The following PDGFRL variants were observed in gnomAD, a reference collection of about 807,000 sequenced individuals.
The protein encoded by PDGFRL is platelet-derived growth factor receptor-like protein.
A neutral mutation model predicts 37.2 loss-of-function variants in PDGFRL; 46 were observed. The observed-to-expected ratio is 1.24, with a 90% CI of 0.98 to 1.58. The LOEUF (loss-of-function observed/expected upper bound fraction) is 1.58. PDGFRL is among the 40% of genes most tolerant of loss of function. The pLI, the probability that PDGFRL is intolerant of heterozygous loss-of-function variation, is 0.00. For synonymous variants in PDGFRL, 251 were observed against 184.3 expected, an observed-to-expected ratio of 1.36 and a Z score of -2.93; for missense variants, 692 against 467.6, an observed-to-expected ratio of 1.48 and a Z score of -4.43.
chr8:17,596,453 G>C (rs1038039112), intron 2 of PDGFRL: 1 of 464,870 alleles, frequency 2.2e-6, no homozygotes, highest in African/African-American at 2.0e-5. Context: ...AAACAGAATT[G>C]ATATAATTTA....
chr8:17,616,104 G>A (rs2517213), intron 2 of PDGFRL, among the ~76,000 whole-genome samples: 7,230 of 152,238 alleles, frequency 0.047, 270 homozygotes, highest in Admixed American at 0.078. Flanking sequence ...GAAGGTCATG[G>A]TGGAGCTGGG....
At chr8:17,586,165 G>T (rs185954508) in intron 1 of PDGFRL, among the ~76,000 whole-genome samples, 1 of 152,246 alleles carries the variant, frequency 6.6e-6, no homozygotes, top group African/African-American at 2.4e-5. Context: ...TGTTGGCCAG[G>T]CTGGTCTTGA....
Position 17,642,714 on chromosome 8 carries a change from T to C in PDGFRL, c.1041T>C (p.Phe347=), listed in dbSNP as rs4705. ...AGAGTGTCATTACAGTGGAAGACTT[T>C]GAGACGATTGATGCAGGATATTACA... ...ISQSVITVED[F]ETIDAGYYIC... is the part of the protein sequence containing the mutation. Residue 347 remains phenylalanine, a synonymous_variant, in exon 6 of 6, where the codon TTT becomes TTC. Transcript: ENST00000251630. 0.54 allele frequency: 865,708 copies of C among 1,603,452 alleles called. 239,197 individuals carry two copies. Among genetic ancestry groups the C allele is most frequent in the Middle Eastern group, 0.59 (3,562 of 6,042 alleles).
intron 2 of PDGFRL, among the ~76,000 whole-genome samples, chr8:17,597,041 G>C (rs1212367738): frequency 2.0e-5 from 3 of 148,382 alleles, no homozygotes; most frequent in Non-Finnish European, 4.4e-5. Context: ...TTTGTTTTTT[G>C]GCAAAGTCTT....
chr8:17,631,648 C>G (rs1166259188), intron 4 of PDGFRL, among the ~76,000 whole-genome samples: 1 of 152,136 alleles, frequency 6.6e-6, no homozygotes, highest in Non-Finnish European at 1.5e-5. Flanking sequence ...CCCATCTGGC[C>G]TTCTCCCTTG....
intron 2 of PDGFRL, among the ~76,000 whole-genome samples, chr8:17,614,858 T>C (rs2129735347): frequency 6.6e-6 from 1 of 152,296 alleles, no homozygotes; most frequent in Non-Finnish European, 1.5e-5. Context: ...GGAAAGTTGT[T>C]TGAACTGAGC....
chr8:17,594,636 C>A (rs1185299309), intron 2 of PDGFRL, among the ~76,000 whole-genome samples: 1 of 152,030 alleles, frequency 6.6e-6, no homozygotes, highest in Non-Finnish European at 1.5e-5. Flanking sequence ...CTCACGGCAA[C>A]CTCCGCCTCC....
intron 2 of PDGFRL, among the ~76,000 whole-genome samples, chr8:17,620,754 A>G (rs1412560285): frequency 1.3e-5 from 2 of 152,234 alleles, no homozygotes; most frequent in Non-Finnish European, 2.9e-5. Flanking sequence ...TCATTGTATT[A>G]CGCTGAAAAG....
intron 1 of PDGFRL, among the ~76,000 whole-genome samples, chr8:17,581,209 C>A (rs1423684025): frequency 1.2e-4 from 18 of 152,028 alleles, no homozygotes; most frequent in Non-Finnish European, 1.5e-5. Context: ...AGCCATAAGC[C>A]TGCCTGAAAC....
intron 1 of PDGFRL, among the ~76,000 whole-genome samples, chr8:17,581,567 G>A (rs1343517787): frequency 1.3e-5 from 2 of 152,118 alleles, no homozygotes; most frequent in African/African-American, 2.4e-5. Context: ...TTGGGCCTTG[G>A]GGGTAGATCC....
At chr8:17,598,229 A>G (rs1804094138) in intron 2 of PDGFRL, among the ~76,000 whole-genome samples, 1 of 152,254 alleles carries the variant, frequency 6.6e-6, no homozygotes, top group Non-Finnish European at 1.5e-5. Context: ...TCCGTTTATT[A>G]CTAACCAGCA....
intron 4 of PDGFRL, among the ~76,000 whole-genome samples, chr8:17,630,853 T>C (rs1340678500): frequency 6.6e-6 from 1 of 152,170 alleles, no homozygotes; most frequent in Non-Finnish European, 1.5e-5. Flanking sequence ...CCCTGTCCCA[T>C]GCAGCCTCGC....
Position 17,628,668 on chromosome 8 carries a change from G to C in PDGFRL, c.687G>C (p.Arg229=), listed in dbSNP as rs1481810194. ...NGTDIVYDMK[R]GFVYLQPHSE... ...CGGACATTGTTTATGACATGAAGCG[G>C]GGCTTTGTGTATCTGCAACCTCATT... Residue 229 remains arginine (R), a synonymous_variant, in exon 4 of 6, where the codon CGG becomes CGC. Transcript: ENST00000251630. The C allele has an allele frequency of 6.2e-7, 1 of 1,613,980 alleles. No homozygotes were observed. Among genetic ancestry groups the C allele is most frequent in the South Asian group, 1.1e-5 (1 of 91,082 alleles).
Position 17,589,492 on chromosome 8 carries a change from A to G in PDGFRL, c.80A>G (p.Asn27Ser), listed in dbSNP as rs1158333825. The G allele has an allele frequency of 6.2e-7, 1 of 1,613,748 alleles. No individual in the cohort carries two copies. Among genetic ancestry groups the G allele is most frequent in the Non-Finnish European group, 8.5e-7 (1 of 1,179,802 alleles). Residue 27 changes from asparagine (N) to serine (S), a missense_variant, in exon 2 of 6, where the codon AAC (asparagine) becomes AGC (serine). Coordinates refer to ENST00000251630, the MANE Select transcript of PDGFRL (RefSeq NM_001372073.1). ...EDVTGQHLPK[N>S]KRPKEPGENR... ...GTTACTGGCCAACACCTTCCCAAGA[A>G]CAAGCGTCCAAAAGAACCAGGAGAG... is the stretch of plus-strand genomic sequence containing the variant.
chr8:17,596,875 G>A (rs900592993), intron 2 of PDGFRL, among the ~76,000 whole-genome samples: 6 of 152,202 alleles, frequency 3.9e-5, no homozygotes, highest in African/African-American at 9.7e-5. Context: ...TCTTGACATC[G>A]TTCCCAGAAC....
At chr8:17,640,170 T>C (rs764458668) in intron 5 of PDGFRL, among the ~76,000 whole-genome samples, 3 of 151,826 alleles carry the variant, frequency 2.0e-5, no homozygotes, top group Non-Finnish European at 4.4e-5. Flanking sequence ...ACTGAAGATT[T>C]TTCCCTTCAT....
chr8:17,633,043 C>T lies in PDGFRL; in HGVS notation c.800-1031C>T, dbSNP rs2517224. On this transcript the variant is annotated intron_variant, in intron 4 of 5. Coordinates refer to ENST00000251630, the MANE Select transcript of PDGFRL (RefSeq NM_001372073.1). ...CCATACGATGACTCACTCAGTGTCC[C>T]GCCCCTTTGCTAGAATACAGATTCC... 1.1e-3 allele frequency among the ~76,000 whole-genome samples: 171 copies of T among 152,250 alleles called. 1 individual carries two copies. Among genetic ancestry groups the T allele is most frequent in the African/African-American group, 4.0e-3 (168 of 41,546 alleles).
chr8:17,641,896 T>TCCCCCCCCCCCCCCCCC (rs144394170), intron 5 of PDGFRL, among the ~76,000 whole-genome samples: 5 of 103,884 alleles, frequency 4.8e-5, no homozygotes, highest in African/African-American at 9.4e-5. Flanking sequence ...TCAATAGAGG[T>TCCCCCCCCCCCCCCCCC]CCCCGCCACA....
chr8:17,612,025 A>C (rs2129722244), intron 2 of PDGFRL, among the ~76,000 whole-genome samples: 1 of 152,314 alleles, frequency 6.6e-6, no homozygotes, highest in South Asian at 2.1e-4. Context: ...CGGCAGGTCC[A>C]CACAGGCAGG....
Sources: gnomAD v4.1 joint callset for allele counts (sites outside exome capture counted in the v4.1 genomes callset) on GRCh38, gnomAD v4.1.1 for gene constraint, MANE v1.5 for transcripts, NCBI Gene and HGNC (gene_info 2026-07-23, HGNC 2026-07-21) for gene names.